SRGAP2: variants seen among roughly 807,000 people sequenced by gnomAD.
SRGAP2 encodes SLIT-ROBO Rho GTPase activating protein 2, also known as SLIT-ROBO Rho GTPase-activating protein 2.
SRGAP2 carries 15 observed loss-of-function variants against 57.2 expected under a neutral mutation model. The observed-to-expected ratio is 0.26, with a 90% CI of 0.18 to 0.40. The LOEUF (loss-of-function observed/expected upper bound fraction) is 0.40. SRGAP2 is among the 10% of genes least tolerant of loss of function. The probability of loss-of-function intolerance (pLI) is 1.00; values close to 1 mark genes in which losing one functional copy is unlikely to be tolerated. For synonymous variants in SRGAP2, 249 were observed against 248.0 expected (o/e 1.00, Z -0.04); for missense variants, 520 against 669.6 (o/e 0.78, Z 2.47).
At chr1:206,410,400 T>C (rs1454814410) in intron 10 of SRGAP2, among the ~76,000 whole-genome samples, 1 of 152,208 alleles carries the variant, frequency 6.6e-6, no homozygotes, top group Non-Finnish European at 1.5e-5. Context: ...TTGTTAAAAA[T>C]CAATACTTTT....
At chr1:206,239,981 T>C (rs1244064151) in intron 2 of SRGAP2, among the ~76,000 whole-genome samples, 2 of 151,410 alleles carry the variant, frequency 1.3e-5, no homozygotes, top group Admixed American at 6.6e-5. Context: ...AAGAAAGACA[T>C]TGGGCCAGGC....
chr1:206,428,694 G>C (rs1463639393), intron 13 of SRGAP2, among the ~76,000 whole-genome samples: 1 of 151,976 alleles, frequency 6.6e-6, no homozygotes, highest in African/African-American at 2.4e-5. Flanking sequence ...ACAGGGTCCC[G>C]CTCCATCACC....
chr1:206,363,984 A>G (rs1213567513), intron 4 of SRGAP2, among the ~76,000 whole-genome samples: 9 of 149,590 alleles, frequency 6.0e-5, no homozygotes, highest in Admixed American at 1.3e-4. Context: ...CAATCCTACT[A>G]GCGGATTTTA....
At position 206,218,267 on chromosome 1, in the gene SRGAP2, C is replaced by T. The variant is rs879957545; in HGVS notation, c.67+12230C>T. 1.9e-3 allele frequency among the ~76,000 whole-genome samples: 280 copies of T among 151,296 alleles called. 1 individual carries two copies. Among genetic ancestry groups the T allele is most frequent in the Non-Finnish European group, 3.0e-3 (206 of 67,928 alleles). On this transcript the variant is annotated intron_variant, in intron 2 of 22. Coordinates refer to ENST00000573034, the MANE Select transcript of SRGAP2 (RefSeq NM_015326.5). ...TGCGGAGGTTGCAGTGAGCCCAGAT[C>T]GCACCATTGCACTCCAGCCTAGGTG...
chr1:206,232,297 A>G (rs1667692508), intron 2 of SRGAP2, among the ~76,000 whole-genome samples: 1 of 152,040 alleles, frequency 6.6e-6, no homozygotes, highest in Non-Finnish European at 1.5e-5. Context: ...AAGATTTTGA[A>G]CCATCGTCAA....
chr1:206,295,326 C>T (rs1223402286), intron 2 of SRGAP2, among the ~76,000 whole-genome samples: 3 of 152,118 alleles, frequency 2.0e-5, no homozygotes, highest in East Asian at 3.9e-4. Context: ...TGGGTTCAAG[C>T]GATTCTCCTG....
chr1:206,383,202 T>C (rs1328775287), intron 4 of SRGAP2, among the ~76,000 whole-genome samples: 1 of 148,284 alleles, frequency 6.7e-6, no homozygotes, highest in Non-Finnish European at 1.5e-5. Context: ...TTTTTGTATT[T>C]TTAGTAGAGA....
chr1:206,448,187 G>GAGAT (rs1404817829), intron 18 of SRGAP2, among the ~76,000 whole-genome samples: 1 of 152,166 alleles, frequency 6.6e-6, no homozygotes, highest in Non-Finnish European at 1.5e-5. Context: ...GGTAGAAGGG[G>GAGAT]AGATAGAGCA....
chr1:206,353,180 G>A (rs1427509071), intron 4 of SRGAP2, among the ~76,000 whole-genome samples: 1 of 152,084 alleles, frequency 6.6e-6, no homozygotes, highest in East Asian at 1.9e-4. Flanking sequence ...TCCTCAATTT[G>A]AGAAAAATTT....
chr1:206,293,162 A>T (rs1276718825), intron 2 of SRGAP2, among the ~76,000 whole-genome samples: 4 of 152,088 alleles, frequency 2.6e-5, no homozygotes, highest in South Asian at 2.1e-4. Flanking sequence ...GAGAGTGGAC[A>T]TGTTTGAACT....
intron 21 of SRGAP2, 136 bp downstream of exon 21, chr1:206,455,160 G>T (rs1572201630): frequency 1.3e-6 from 1 of 742,482 alleles, no homozygotes; most frequent in Non-Finnish European, 2.5e-6. Flanking sequence ...TTTGCATGTG[G>T]TCATTGCTGC....
chr1:206,335,017 T>C (rs201013864), intron 3 of SRGAP2, among the ~76,000 whole-genome samples: 2,419 of 142,466 alleles, frequency 0.017, 52 homozygotes, highest in African/African-American at 0.048. Context: ...TTGATGGTTA[T>C]GAATTCTTTT....
chr1:206,416,593 C>T (rs74145640), intron 11 of SRGAP2, among the ~76,000 whole-genome samples: 99 of 152,300 alleles, frequency 6.5e-4, no homozygotes, highest in African/African-American at 2.1e-3. Context: ...AGTAGCAAGG[C>T]AGAGAACTGG....
rs368961921 is a variant in SRGAP2 at position 206,334,963 on chromosome 1, C to T, written c.261-7883C>T. 2.3e-3 allele frequency among the ~76,000 whole-genome samples: 344 copies of T among 150,876 alleles called. 7 individuals are homozygous for T. The highest frequency in any genetic ancestry group is 0.019 in the East Asian group (97 of 5,160). On this transcript the variant is annotated intron_variant, in intron 3 of 22. Transcript: ENST00000573034. ...AAAGATATAATTGTAGAGTTGTTCA[C>T]AGGTTTTTCTATGGACTTTGTGGAT... is the stretch of plus-strand genomic sequence containing the variant.
At chr1:206,311,733 T>G (rs1672657606) in intron 3 of SRGAP2, among the ~76,000 whole-genome samples, 1 of 150,748 alleles carries the variant, frequency 6.6e-6, no homozygotes, top group Admixed American at 6.6e-5. Flanking sequence ...TGATAGTTTT[T>G]GAGCAAGGAA....
intron 18 of SRGAP2, among the ~76,000 whole-genome samples, chr1:206,449,707 C>T (rs1488226866): frequency 1.3e-5 from 2 of 152,208 alleles, no homozygotes; most frequent in South Asian, 2.1e-4. Flanking sequence ...ACTTTTGTTT[C>T]CCACCCTCTC....
intron 15 of SRGAP2, chr1:206,437,722 G>A (rs1392232187): frequency 8.2e-6 from 4 of 489,284 alleles, no homozygotes; most frequent in Non-Finnish European, 1.5e-5. Flanking sequence ...CCTGAGCCAG[G>A]CTGGCACAAG....
chr1:206,447,182 TCCTCCTCCCCCTC>T lies in SRGAP2; in HGVS notation c.2099+887_2099+899del, dbSNP rs782338431. ...ATCCCTAACGTCCCTTACCTCCCCC[TCCTCCTCCCCCTC>T]CCTTCTTCCCCTAAATAGTATTTCA... On this transcript the variant is annotated intron_variant, in intron 18 of 22. Coordinates refer to ENST00000573034, the MANE Select transcript of SRGAP2 (RefSeq NM_015326.5). 1.4e-3 allele frequency among the ~76,000 whole-genome samples: 209 copies of T among 150,738 alleles called. 2 individuals are homozygous for T. Among genetic ancestry groups the T allele is most frequent in the Non-Finnish European group, 1.2e-3 (84 of 67,722 alleles).
At chr1:206,448,552 T>A (rs1446136363) in intron 18 of SRGAP2, among the ~76,000 whole-genome samples, 1 of 152,236 alleles carries the variant, frequency 6.6e-6, no homozygotes, top group Non-Finnish European at 1.5e-5. Flanking sequence ...CAACAGCATC[T>A]GTGTCACAAA....
Sources: allele counts gnomAD v4.1 joint callset (sites outside exome capture counted in the v4.1 genomes callset), GRCh38; gene constraint gnomAD v4.1.1; transcripts MANE v1.5; gene names NCBI Gene and HGNC (gene_info 2026-07-23, HGNC 2026-07-21).